ZNRF2: variants seen among roughly 807,000 people sequenced by gnomAD.
ZNRF2 encodes the protein E3 ubiquitin-protein ligase ZNRF2.
ZNRF2 carries 16 observed loss-of-function variants against 20.4 expected under a neutral mutation model. The ratio of observed to expected loss-of-function variants is 0.79; its 90% CI spans 0.53 to 1.19. ZNRF2 has a LOEUF of 1.19. Ranked by LOEUF, ZNRF2 falls within the 50% of genes most tolerant of loss-of-function variation. The pLI is 0.00. For missense variants in ZNRF2, 363 were observed against 332.4 expected, an observed-to-expected ratio of 1.09 and a Z score of -0.72; for synonymous variants, 178 against 144.9, an observed-to-expected ratio of 1.23 and a Z score of -1.64.
At chr7:30,349,783 AC>A (rs1483587598) in intron 2 of ZNRF2, among the ~76,000 whole-genome samples, 1 of 152,084 alleles carries the variant, frequency 6.6e-6, no homozygotes, top group African/African-American at 2.4e-5. Context: ...ATAGAAATGA[AC>A]CTGAAATTTT....
At chr7:30,338,956 T>C (rs1799756455) in intron 2 of ZNRF2, among the ~76,000 whole-genome samples, 2 of 152,230 alleles carry the variant, frequency 1.3e-5, no homozygotes, top group Admixed American at 1.3e-4. Flanking sequence ...ATTTTAATGA[T>C]CGCCATTCTA....
intron 1 of ZNRF2, among the ~76,000 whole-genome samples, chr7:30,290,818 TGTACTA>T (rs1393382061): frequency 1.3e-5 from 2 of 152,252 alleles, no homozygotes; most frequent in African/African-American, 4.8e-5. Flanking sequence ...TTTAAAAAGT[TGTACTA>T]ATGCATATGG....
chr7:30,285,306 C>T lies in ZNRF2; in HGVS notation c.-52C>T. 9.4e-7 allele frequency: 1 copy of T among 1,062,008 alleles called. No individual in the cohort carries two copies. Among genetic ancestry groups the T allele is most frequent in the South Asian group, 4.2e-5 (1 of 23,830 alleles). 65.8% of individuals were successfully genotyped at this position (1,062,008 alleles called of 1,614,324 possible). On this transcript the variant is annotated 5_prime_UTR_variant, in exon 1 of 5. Coordinates refer to ENST00000323037, the MANE Select transcript of ZNRF2 (RefSeq NM_147128.4). ...CTCTAGCTCCCGCGCTCGCTCCCGC[C>T]CTCCCGGCTCTCGGGGCGCAGCGCG...
intron 2 of ZNRF2, 102 bp from the exon 3 acceptor site, chr7:30,355,626 G>T: frequency 1.2e-6 from 1 of 844,856 alleles, no homozygotes. Context: ...GATATGCCAA[G>T]TAAGGTGGAA....
chr7:30,298,786 A>T (rs190088585), intron 1 of ZNRF2, among the ~76,000 whole-genome samples: 1 of 152,182 alleles, frequency 6.6e-6, no homozygotes, highest in Admixed American at 6.5e-5. Flanking sequence ...ACAGCTCCTT[A>T]CGCAGACTGG....
intron 2 of ZNRF2, among the ~76,000 whole-genome samples, chr7:30,338,974 T>C (rs897249199): frequency 7.9e-5 from 12 of 152,182 alleles, no homozygotes; most frequent in Admixed American, 5.9e-4. Context: ...CTAACTGACA[T>C]GAGATTGTAT....
At chr7:30,304,591 G>A (rs1468128779) in intron 1 of ZNRF2, among the ~76,000 whole-genome samples, 3 of 152,190 alleles carry the variant, frequency 2.0e-5, no homozygotes, top group East Asian at 3.8e-4. Flanking sequence ...GGTGCAACTA[G>A]CCATTGCTTC....
chr7:30,292,976 G>A (rs572757307), intron 1 of ZNRF2, among the ~76,000 whole-genome samples: 35 of 152,256 alleles, frequency 2.3e-4, no homozygotes, highest in African/African-American at 8.2e-4. Context: ...GCTATTGTGT[G>A]AGGTGGCAAG....
intron 1 of ZNRF2, among the ~76,000 whole-genome samples, chr7:30,306,245 A>G (rs1390165718): frequency 2.6e-5 from 4 of 152,180 alleles, no homozygotes; most frequent in African/African-American, 7.2e-5. Flanking sequence ...TAGTAAGTAA[A>G]GCATTACATA....
rs1487658435 is a variant in ZNRF2, at chr7:30,367,665, A to G, written c.*1653A>G. 6.6e-6 allele frequency: 1 copy of G among 152,000 alleles called. No individual in the cohort carries two copies. The highest frequency in any genetic ancestry group is 6.6e-5 in the Admixed American group (1 of 15,254). The allele number at this position is 152,000 out of a possible 1,614,324, so 9.4% of individuals were successfully genotyped here. On this transcript the variant is annotated 3_prime_UTR_variant, in exon 5 of 5. Transcript: ENST00000323037. ...AAAAATGTGTGTATTATAAATAATT[A>G]AAGAGTTTTTAATTGCTTTCTGTAT...
chr7:30,287,385 G>C (rs1722971932), intron 1 of ZNRF2, among the ~76,000 whole-genome samples: 1 of 152,178 alleles, frequency 6.6e-6, no homozygotes, highest in Admixed American at 6.5e-5. Flanking sequence ...ATTTAAGTTT[G>C]CTAAAGAAGG....
At position 30,353,406 on chromosome 7, in the gene ZNRF2, TA is replaced by T. The variant is rs1799987910; in HGVS notation, c.566-2321del. 2.6e-5 allele frequency among the ~76,000 whole-genome samples: 4 copies of T among 152,136 alleles called. No homozygotes were observed. In the South Asian group the frequency reaches 8.3e-4, roughly 31 times the overall value. ...TACAATTCTGAAGTACAGTTCTGAT[TA>T]TTTTTTATTGCTAGGGTTTAAGGGA... is the stretch of plus-strand genomic sequence containing the variant. On this transcript the variant is annotated intron_variant, in intron 2 of 4. Coordinates refer to ENST00000323037, the MANE Select transcript of ZNRF2 (RefSeq NM_147128.4).
intron 2 of ZNRF2, among the ~76,000 whole-genome samples, chr7:30,342,789 C>T (rs76845957): frequency 0.011 from 1,702 of 152,036 alleles, 16 homozygotes; most frequent in South Asian, 0.022. Flanking sequence ...TTCAAAGGTT[C>T]CGATAAGTAG....
rs1294474279 is a variant in ZNRF2 at position 30,306,423 on chromosome 7, A to G, written c.470-17219A>G. ...CATTACATAAAATACTTAAAATAAT[A>G]AAAGCTGTTGAAACAAAGTCAGGAA... On this transcript the variant is annotated intron_variant, in intron 1 of 4. Coordinates refer to ENST00000323037, the MANE Select transcript of ZNRF2 (RefSeq NM_147128.4). Among the ~76,000 whole-genome samples the G allele has an allele frequency of 3.9e-5, 6 of 152,146 alleles. No individual in the cohort carries two copies. The South Asian group carries it at 1.2e-3, about 31-fold the overall frequency.
intron 1 of ZNRF2, among the ~76,000 whole-genome samples, chr7:30,289,460 A>G (rs1170909995): frequency 1.3e-5 from 2 of 152,090 alleles, no homozygotes; most frequent in Non-Finnish European, 2.9e-5. Context: ...TAATTAATCT[A>G]TTTCCTATTC....
chr7:30,285,565 G>C lies in ZNRF2; in HGVS notation c.208G>C (p.Ala70Pro). 2.0e-6 allele frequency: 2 copies of C among 978,972 alleles called. No homozygotes were observed. The highest frequency in any genetic ancestry group is 9.1e-5 in the South Asian group (2 of 21,870). 60.6% of individuals were successfully genotyped at this position (978,972 alleles called of 1,614,324 possible). Residue 70 changes from alanine (A) to proline (P), a missense_variant, in exon 1 of 5, where the codon GCG (alanine) becomes CCG (proline). Physicochemically the swap from Ala to Pro is conservative, Grantham distance 27 (BLOSUM62 -1). Transcript: ENST00000323037. Reference protein sequence around the residue: ...SASGGAAAAAAAPAAPAAPRS... With the variant: ...SASGGAAAAAPAPAAPAAPRS... ...CTCCGGCGGCGCCGCGGCGGCCGCGGCGGCCCCGGCAGCCCCGGCGGCCCC... is the reference window on the plus strand; with the variant it reads ...CTCCGGCGGCGCCGCGGCGGCCGCGCCGGCCCCGGCAGCCCCGGCGGCCCC...
At chr7:30,290,992 T>A (rs1783584045) in intron 1 of ZNRF2, among the ~76,000 whole-genome samples, 2 of 152,226 alleles carry the variant, frequency 1.3e-5, no homozygotes, top group Non-Finnish European at 2.9e-5. Flanking sequence ...CAACAAATTC[T>A]GTAATAGAAC....
chr7:30,301,436 TCAC>T (rs1165817344), intron 1 of ZNRF2, among the ~76,000 whole-genome samples: 4 of 152,004 alleles, frequency 2.6e-5, no homozygotes, highest in Admixed American at 6.6e-5. Flanking sequence ...TGAGCCAAGA[TCAC>T]GCCACTGCAC....
intron 2 of ZNRF2, among the ~76,000 whole-genome samples, chr7:30,327,024 G>A (rs1799563331): frequency 6.6e-6 from 1 of 151,890 alleles, no homozygotes; most frequent in African/African-American, 2.4e-5. Flanking sequence ...TATATATGCT[G>A]GATATTAAAC....
Sources: gnomAD v4.1 joint callset for allele counts (sites outside exome capture counted in the v4.1 genomes callset) on GRCh38, gnomAD v4.1.1 for gene constraint, MANE v1.5 for transcripts, NCBI Gene and HGNC (gene_info 2026-07-23, HGNC 2026-07-21) for gene names.